NF2: variants seen among roughly 807,000 people sequenced by gnomAD.
NF2 encodes the protein NF2, moesin-ezrin-radixin like (MERLIN) tumor suppressor.
Under a neutral mutation model 83.7 loss-of-function variants are expected in NF2, and 8 were observed. The ratio of observed to expected loss-of-function variants is 0.10; its 90% confidence interval spans 0.06 to 0.17. The LOEUF (loss-of-function observed/expected upper bound fraction) is 0.17. NF2 is among the 10% of genes least tolerant of loss of function. The probability of loss-of-function intolerance (pLI) is 1.00; values close to 1 mark genes in which losing one functional copy is unlikely to be tolerated. For missense variants in NF2, 533 were observed against 744.4 expected, an observed-to-expected ratio of 0.72 and a Z score of 3.31; for synonymous variants, 266 against 269.6, an observed-to-expected ratio of 0.99 and a Z score of 0.13.
intron 15 of NF2, among the ~76,000 whole-genome samples, chr22:29,688,769 TG>T (rs1381784270): frequency 1.3e-5 from 2 of 152,244 alleles, no homozygotes; most frequent in African/African-American, 4.8e-5. Context: ...ATTTGTTCAT[TG>T]GGGTGGACTT....
intron 15 of NF2, among the ~76,000 whole-genome samples, chr22:29,687,288 G>GA (rs1283957746): frequency 6.6e-5 from 10 of 152,298 alleles, no homozygotes; most frequent in South Asian, 2.1e-4. Context: ...AGGTCCAGCT[G>GA]TGGTTTCCAC....
At chr22:29,684,658 G>A (rs974910319) in intron 15 of NF2, among the ~76,000 whole-genome samples, 4 of 152,086 alleles carry the variant, frequency 2.6e-5, no homozygotes, top group African/African-American at 9.7e-5. Context: ...TTAATGTCTC[G>A]ATGTGAACTT....
chr22:29,605,178 C>T (rs1052740134), intron 1 of NF2, among the ~76,000 whole-genome samples: 9 of 129,564 alleles, frequency 6.9e-5, no homozygotes, highest in South Asian at 2.4e-4. Context: ...TTTTTTGAGA[C>T]GGAGTCTCGC....
chr22:29,694,055 C>T lies in NF2; in HGVS notation c.1738-697C>T, dbSNP rs2067477709. 6.6e-6 allele frequency among the ~76,000 whole-genome samples: 1 copy of T among 152,226 alleles called. No individual in the cohort carries two copies. Among genetic ancestry groups the T allele is most frequent in the African/African-American group, 2.4e-5 (1 of 41,460 alleles). On this transcript the variant is annotated intron_variant, in intron 15 of 15. Coordinates refer to ENST00000338641, the MANE Select transcript of NF2 (RefSeq NM_000268.4). This position sits in a 1 kb window ranked among gnomAD's most constrained non-coding sequence, Gnocchi z 4.1. ...CTCGGTCCCTGATCCACCCCATCCC[C>T]TTCCACATCTCCCTGACTGTCCTTC...
intron 1 of NF2, among the ~76,000 whole-genome samples, chr22:29,620,497 T>C (rs1181659126): frequency 2.0e-5 from 3 of 150,734 alleles, no homozygotes. Flanking sequence ...CCCAGCACTT[T>C]GGGAGGCTGA....
intron 15 of NF2, chr22:29,683,770 C>T: frequency 9.4e-7 from 1 of 1,063,958 alleles, no homozygotes; most frequent in Non-Finnish European, 1.1e-6. Flanking sequence ...ACTCACGGCA[C>T]CCTGGAGAGG....
chr22:29,683,168 C>T (rs1314151482), intron 15 of NF2: 16 of 1,612,462 alleles, frequency 9.9e-6, no homozygotes, highest in Non-Finnish European at 1.3e-5. Flanking sequence ...ACACTGAGCC[C>T]TTACGAGGGC....
intron 9 of NF2, 124 bp from the exon 10 acceptor site, chr22:29,668,209 T>C (rs2066680623): frequency 5.6e-6 from 4 of 714,048 alleles, no homozygotes; most frequent in Non-Finnish European, 1.0e-5. Context: ...TGTTTCACTC[T>C]ATGCATTCAT....
At chr22:29,610,519 T>G (rs1439178392) in intron 1 of NF2, among the ~76,000 whole-genome samples, 1 of 151,816 alleles carries the variant, frequency 6.6e-6, no homozygotes, top group African/African-American at 2.4e-5. Flanking sequence ...GGAGTGCGCC[T>G]GTAGTCCCAG....
chr22:29,667,471 G>A (rs530470776), intron 9 of NF2, among the ~76,000 whole-genome samples: 51 of 152,162 alleles, frequency 3.4e-4, no homozygotes, highest in Admixed American at 1.2e-3. Flanking sequence ...AAACTCCTGG[G>A]CTCAAGCAAT....
chr22:29,619,480 T>G (rs1168713951), intron 1 of NF2, among the ~76,000 whole-genome samples: 3 of 152,078 alleles, frequency 2.0e-5, no homozygotes, highest in Admixed American at 6.6e-5. Flanking sequence ...CACTTCAACC[T>G]CTGTCTCCTG....
chr22:29,673,245 A>G (rs376871988), intron 11 of NF2, 24 bp from the exon 12 acceptor site: 9 of 1,554,266 alleles, frequency 5.8e-6, no homozygotes, highest in East Asian at 2.4e-5. Context: ...ATCCCACTTC[A>G]GCTAAGAGCA....
intron 2 of NF2, among the ~76,000 whole-genome samples, chr22:29,638,795 A>G (rs1255759865): frequency 2.0e-5 from 3 of 152,208 alleles, no homozygotes; most frequent in African/African-American, 7.2e-5. Context: ...TGAGTGATAC[A>G]TTTCTAGTTT....
At chr22:29,673,214 TG>T in intron 11 of NF2, 54 bp from the exon 12 acceptor site, 5 of 1,535,100 alleles carry the variant, frequency 3.3e-6, no homozygotes, top group Non-Finnish European at 4.4e-6. Flanking sequence ...AAGGCAGATC[TG>T]GGCGGGAGAA....
rs3074521 is a variant in NF2 at position 29,677,970 on chromosome 22, T to TTGAGGGA, written c.1447-222_1447-216dup. ...CTGAGCATGAAGAACGGTTAGAGAT[T>TTGAGGGA]TGAGGGATGATTTTCCTGGATTTGT... is the stretch of plus-strand genomic sequence containing the variant. On this transcript the variant is annotated intron_variant, in intron 13 of 15. Coordinates refer to ENST00000338641, the MANE Select transcript of NF2 (RefSeq NM_000268.4). 0.3 allele frequency among the ~76,000 whole-genome samples: 45,842 copies of TTGAGGGA among 151,550 alleles called. 7,197 individuals are homozygous for TTGAGGGA. Among genetic ancestry groups the TTGAGGGA allele is most frequent in the Non-Finnish European group, 0.36 (24,592 of 67,740 alleles).
At chr22:29,634,518 A>G (rs948237068) in intron 1 of NF2, among the ~76,000 whole-genome samples, 4 of 152,106 alleles carry the variant, frequency 2.6e-5, no homozygotes, top group Non-Finnish European at 5.9e-5. Flanking sequence ...TGCACTGCAC[A>G]CCCCACTTAC....
intron 2 of NF2, among the ~76,000 whole-genome samples, chr22:29,638,298 G>C (rs1251987113): frequency 6.6e-6 from 1 of 151,678 alleles, no homozygotes; most frequent in Non-Finnish European, 1.5e-5. Context: ...CTGTTGCTCA[G>C]TTAATGTTTA....
Position 29,687,428 on chromosome 22 carries a change from C to T in NF2, c.1737+5827C>T, listed in dbSNP as rs571259174. Among the ~76,000 whole-genome samples, 36 of 152,126 alleles carry T rather than the reference C, an allele frequency of 2.4e-4. 1 individual carries two copies. Among genetic ancestry groups the T allele is most frequent in the Middle Eastern group, 6.8e-3 (2 of 294 alleles). On this transcript the variant is annotated intron_variant, in intron 15 of 15. Transcript: ENST00000338641. The stretch of plus-strand genomic sequence containing the variant: ...GCAGGCTCCCCTTGGAGTTGCAGAG[C>T]CAGTGAAGTGAAGTAGAACAGTTAA...
chr22:29,647,474 G>T (rs2066013613), intron 4 of NF2, among the ~76,000 whole-genome samples: 1 of 152,174 alleles, frequency 6.6e-6, no homozygotes, highest in Admixed American at 6.5e-5. Flanking sequence ...AGCCTGTAGT[G>T]GCTGTGTGAT....
Sources: allele counts gnomAD v4.1 joint callset (sites outside exome capture counted in the v4.1 genomes callset), GRCh38; gene constraint gnomAD v4.1.1; non-coding constraint Gnocchi (gnomAD v3.1); transcripts MANE v1.5; gene names NCBI Gene and HGNC (gene_info 2026-07-23, HGNC 2026-07-21).